Variants in THSD7B observed in about 807,000 individuals in gnomAD.
THSD7B encodes thrombospondin type 1 domain containing 7B, also known as thrombospondin type-1 domain-containing protein 7B.
A neutral mutation model predicts 213.6 loss-of-function variants in THSD7B; 138 were observed. The observed-to-expected ratio is 0.65, with a 90% CI of 0.56 to 0.74. THSD7B has a LOEUF of 0.74. Among genes scored for constraint, THSD7B ranks in the 30% least tolerant of loss-of-function variants. The probability of loss-of-function intolerance (pLI) is 0.00; values close to 1 mark genes in which losing one functional copy is unlikely to be tolerated. For synonymous variants in THSD7B, 742 were observed against 687.0 expected (o/e 1.08, Z -1.25); for missense variants, 1,931 against 1,991.5 (o/e 0.97, Z 0.58).
chr2:137,538,301 G>A (rs1023828), intron 15 of THSD7B, among the ~76,000 whole-genome samples: 11,079 of 151,664 alleles, frequency 0.073, 452 homozygotes, highest in African/African-American at 0.089. Context: ...TTAGGGGGAA[G>A]TATTTTGCTC....
intron 15 of THSD7B, among the ~76,000 whole-genome samples, chr2:137,495,491 G>T (rs1475281185): frequency 1.3e-5 from 2 of 152,134 alleles, no homozygotes; most frequent in Non-Finnish European, 2.9e-5. Flanking sequence ...TCTTACGGAA[G>T]TGTTCTTCTC....
rs139769590 is a variant in THSD7B, at chr2:136,917,461, G to A, written c.139+35144G>A. On this transcript the variant is annotated intron_variant, in intron 2 of 27. Transcript: ENST00000409968. ...TAATTGAGTCAGTGAGTCAGCTTAT[G>A]TGTATTGAGCTCTCAGCTGGGGGTG... Among the ~76,000 whole-genome samples, 454 of 152,326 alleles carry A rather than the reference G, an allele frequency of 3.0e-3. 2 individuals are homozygous for A. The highest frequency in any genetic ancestry group is 0.024 in the Middle Eastern group (7 of 294).
intron 15 of THSD7B, among the ~76,000 whole-genome samples, chr2:137,528,964 G>C (rs1199631873): frequency 6.6e-6 from 1 of 152,008 alleles, no homozygotes; most frequent in Admixed American, 6.6e-5. Context: ...GGCATTCCTT[G>C]AGCATACAAT....
chr2:137,266,422 A>G lies in THSD7B; in HGVS notation c.2267-6111A>G, dbSNP rs192112777. Reference sequence around the variant, plus strand: ...GCATTGGTGTCATCCTTTTGCTTCAATCTTTGTGAGAGAGGAATCACCAGG... The same window carrying G: ...GCATTGGTGTCATCCTTTTGCTTCAGTCTTTGTGAGAGAGGAATCACCAGG... On this transcript the variant is annotated intron_variant, in intron 10 of 27. Transcript: ENST00000409968. 2.9e-3 allele frequency among the ~76,000 whole-genome samples: 439 copies of G among 152,306 alleles called. 2 individuals are homozygous for G. Among genetic ancestry groups the G allele is most frequent in the African/African-American group, 9.6e-3 (397 of 41,562 alleles).
At chr2:137,159,089 T>C (rs1160707234) in intron 5 of THSD7B, among the ~76,000 whole-genome samples, 1 of 152,108 alleles carries the variant, frequency 6.6e-6, no homozygotes, top group Non-Finnish European at 1.5e-5. Flanking sequence ...TCACAAGGAT[T>C]GGGATCTTAT....
intron 7 of THSD7B, among the ~76,000 whole-genome samples, chr2:137,183,061 T>A (rs1680484646): frequency 2.6e-5 from 4 of 152,200 alleles, no homozygotes; most frequent in Admixed American, 2.6e-4. Context: ...ATTGGTGGTA[T>A]CAGTTAGTGG....
chr2:137,229,420 G>C (rs186864510), intron 7 of THSD7B, among the ~76,000 whole-genome samples: 25 of 152,176 alleles, frequency 1.6e-4, no homozygotes, highest in Admixed American at 1.6e-3. Flanking sequence ...ACTGAAGAGA[G>C]AATTATTGGA....
intron 3 of THSD7B, among the ~76,000 whole-genome samples, chr2:137,079,932 C>T (rs536816527): frequency 1.5e-4 from 23 of 151,404 alleles, no homozygotes; most frequent in African/African-American, 4.1e-4. Flanking sequence ...CTCCATCTCC[C>T]GGATTCAGGC....
chr2:137,538,467 G>A (rs1260324407), intron 15 of THSD7B: 1 of 516,606 alleles, frequency 1.9e-6, no homozygotes, highest in Non-Finnish European at 3.9e-6. Context: ...ATCATGCACT[G>A]CTAACATGGA....
chr2:137,073,854 T>C (rs1397715199), intron 3 of THSD7B, among the ~76,000 whole-genome samples: 1 of 152,250 alleles, frequency 6.6e-6, no homozygotes, highest in Non-Finnish European at 1.5e-5. Flanking sequence ...CCAGTAGTCA[T>C]TCAGGAGCAG....
At chr2:137,062,802 A>G (rs981725889) in intron 3 of THSD7B, among the ~76,000 whole-genome samples, 2 of 151,876 alleles carry the variant, frequency 1.3e-5, no homozygotes, top group Non-Finnish European at 2.9e-5. Context: ...AAAATATTCT[A>G]TAAATGTCAA....
At position 137,411,420 on chromosome 2, in the gene THSD7B, C is replaced by T. The variant is rs999415435; in HGVS notation, c.2696-189C>T. 5.9e-5 allele frequency among the ~76,000 whole-genome samples: 9 copies of T among 152,190 alleles called. No homozygotes were observed. In the East Asian group the frequency reaches 1.7e-3, roughly 29 times the overall value. ...CCATTTTCTACTTTTTTCAAATTAA[C>T]TTGAATTTCACAGTTGTTCTGGGAG... On this transcript the variant is annotated intron_variant, in intron 13 of 27. Coordinates refer to ENST00000409968, the MANE Select transcript of THSD7B (RefSeq NM_001316349.2).
At chr2:137,139,959 G>T (rs1422911431) in intron 5 of THSD7B, among the ~76,000 whole-genome samples, 2 of 151,872 alleles carry the variant, frequency 1.3e-5, no homozygotes, top group African/African-American at 4.8e-5. Flanking sequence ...TATTCGAATT[G>T]GTTTTTATTC....
intron 7 of THSD7B, among the ~76,000 whole-genome samples, chr2:137,188,169 G>T (rs1047778541): frequency 6.6e-6 from 1 of 152,166 alleles, no homozygotes; most frequent in African/African-American, 2.4e-5. Context: ...CGTAGGCATT[G>T]AATTCAACCC....
intron 17 of THSD7B, among the ~76,000 whole-genome samples, chr2:137,584,570 C>A (rs1204897475): frequency 6.6e-6 from 1 of 152,076 alleles, no homozygotes; most frequent in African/African-American, 2.4e-5. Context: ...TGTCAAAGGC[C>A]TTTTCTGCAT....
At chr2:137,002,246 G>A (rs935992397) in intron 2 of THSD7B, among the ~76,000 whole-genome samples, 2 of 152,026 alleles carry the variant, frequency 1.3e-5, no homozygotes, top group African/African-American at 2.4e-5. Flanking sequence ...AGAGTATGGG[G>A]TATACCTCCT....
intron 5 of THSD7B, among the ~76,000 whole-genome samples, chr2:137,148,445 G>C (rs891950450): frequency 6.6e-6 from 1 of 152,158 alleles, no homozygotes; most frequent in Admixed American, 6.6e-5. Flanking sequence ...CTTCAGGAGA[G>C]GTTAGAACAG....
intron 2 of THSD7B, among the ~76,000 whole-genome samples, chr2:136,888,944 GGT>G (rs5834520): frequency 0.29 from 20,961 of 72,662 alleles, 1,513 homozygotes; most frequent in Non-Finnish European, 0.37. Context: ...TGTCTTTTGG[GGT>G]GTGTGTGTGT....
chr2:137,634,429 TA>T (rs779271816), intron 20 of THSD7B, among the ~76,000 whole-genome samples: 3 of 152,210 alleles, frequency 2.0e-5, no homozygotes, highest in Non-Finnish European at 4.4e-5. Flanking sequence ...TATATTTATG[TA>T]AATTGCTCAG....
Sources: allele counts gnomAD v4.1 joint callset (sites outside exome capture counted in the v4.1 genomes callset), GRCh38; gene constraint gnomAD v4.1.1; transcripts MANE v1.5; gene names NCBI Gene and HGNC (gene_info 2026-07-23, HGNC 2026-07-21).